EPM2A: variants seen among roughly 807,000 people sequenced by gnomAD.
The protein encoded by EPM2A is EPM2A glucan phosphatase, laforin, also known as laforin.
A neutral mutation model predicts 26.5 loss-of-function variants in EPM2A; 21 were observed. That is an observed-to-expected ratio of 0.79 (90% CI 0.56 to 1.14). The LOEUF (loss-of-function observed/expected upper bound fraction) is 1.14. Ranked by LOEUF, EPM2A falls within the 50% of genes most tolerant of loss-of-function variation. The pLI, the probability that EPM2A is intolerant of heterozygous loss-of-function variation, is 0.00. For missense variants in EPM2A, 458 were observed against 440.8 expected (o/e 1.04, Z -0.35); for synonymous variants, 217 against 177.6 (o/e 1.22, Z -1.76).
downstream of EPM2A, among the ~76,000 whole-genome samples, chr6:145,621,672 A>G (rs150801936): frequency 3.9e-3 from 586 of 151,926 alleles, 3 homozygotes; most frequent in Middle Eastern, 6.8e-3. Context: ...GTGGTTTTAA[A>G]CAGTATTTCC....
intron 2 of EPM2A, among the ~76,000 whole-genome samples, chr6:145,679,840 A>G (rs1410940281): frequency 6.6e-6 from 1 of 152,218 alleles, no homozygotes; most frequent in East Asian, 1.9e-4. Context: ...GAGGAGCTTT[A>G]AACATCTGCG....
At chr6:145,647,592 G>C (rs1224665684) in intron 2 of EPM2A, among the ~76,000 whole-genome samples, 1 of 152,080 alleles carries the variant, frequency 6.6e-6, no homozygotes, top group Non-Finnish European at 1.5e-5. Context: ...TAGAGAACAA[G>C]GATGCTATCT....
At chr6:145,425,210 G>A (rs959079924) in intron 4 of EPM2A, among the ~76,000 whole-genome samples, 4 of 147,248 alleles carry the variant, frequency 2.7e-5, no homozygotes, top group African/African-American at 5.0e-5. Context: ...GTCTTGCTCT[G>A]CCGCCCAGGC....
intron 4 of EPM2A, among the ~76,000 whole-genome samples, chr6:145,440,323 T>C (rs958035200): frequency 2.6e-5 from 4 of 152,156 alleles, no homozygotes; most frequent in Non-Finnish European, 5.9e-5. Flanking sequence ...ACTGCCACCA[T>C]GATTCAATTA....
chr6:145,391,903 C>G (rs559372252), intron 4 of EPM2A, among the ~76,000 whole-genome samples: 2 of 151,356 alleles, frequency 1.3e-5, no homozygotes, highest in Admixed American at 1.3e-4. Flanking sequence ...TTCTCTTGGC[C>G]CTGGGTCTTA....
Position 145,630,044 on chromosome 6 carries a change from T to A in EPM2A, c.719-2351A>T, listed in dbSNP as rs997903341. 3.7e-4 allele frequency: 56 copies of A among 152,352 alleles called. 1 individual carries two copies. The highest frequency in any genetic ancestry group is 1.2e-3 in the African/African-American group (49 of 41,574). 9.4% of individuals were successfully genotyped at this position (152,352 alleles called of 1,614,324 possible). ...CAAATAGCACAAATGATGCAATACATTCCCCTTTTCATTTTATGTGTAAAA... is the reference window on the plus strand; with the variant it reads ...CAAATAGCACAAATGATGCAATACAATCCCCTTTTCATTTTATGTGTAAAA... On this transcript the variant is annotated intron_variant, in intron 3 of 3. Coordinates refer to ENST00000367519, the MANE Select transcript of EPM2A (RefSeq NM_005670.4).
intron 2 of EPM2A, among the ~76,000 whole-genome samples, chr6:145,602,322 G>T (rs1781426991): frequency 6.6e-6 from 1 of 152,108 alleles, no homozygotes; most frequent in Non-Finnish European, 1.5e-5. Flanking sequence ...AATTATACAT[G>T]TCACATTATG....
intron 4 of EPM2A, chr6:145,489,797 G>A: frequency 3.5e-6 from 5 of 1,434,212 alleles, no homozygotes; most frequent in South Asian, 3.4e-5. Flanking sequence ...TAGATTTCTG[G>A]GGTCACGTGG....
chr6:145,624,069 G>C (rs972768296), downstream of EPM2A, among the ~76,000 whole-genome samples: 1 of 152,138 alleles, frequency 6.6e-6, no homozygotes, highest in Non-Finnish European at 1.5e-5. Context: ...AATGAGGGTA[G>C]TGTCATCAAT....
chr6:145,644,682 T>C (rs1304798942), intron 2 of EPM2A, among the ~76,000 whole-genome samples: 1 of 152,002 alleles, frequency 6.6e-6, no homozygotes, highest in Non-Finnish European at 1.5e-5. Flanking sequence ...TATTTTTAAT[T>C]AAAAATATTA....
At chr6:145,703,110 CGA>C in intron 1 of EPM2A, among the ~76,000 whole-genome samples, 1 of 142,276 alleles carries the variant, frequency 7.0e-6, no homozygotes, top group East Asian at 2.1e-4. Flanking sequence ...TTTTTTTTTT[CGA>C]GACGGAGTCT....
chr6:145,534,110 G>A (rs1780399472), intron 2 of EPM2A, among the ~76,000 whole-genome samples: 1 of 152,118 alleles, frequency 6.6e-6, no homozygotes, highest in African/African-American at 2.4e-5. Flanking sequence ...TTGAGAATCT[G>A]CTGTTCGGTG....
rs1010800819 is a variant in EPM2A at position 145,707,409 on chromosome 6, C to G, written c.302-21113G>C. ...GAAGTTTAGACTTATTTTATAGGAA[C>G]TAGGAAATCATCTGATATGGTTTGG... On this transcript the variant is annotated intron_variant, in intron 1 of 3. Transcript: ENST00000367519. Among the ~76,000 whole-genome samples, 2 of 152,158 alleles carry G rather than the reference C, an allele frequency of 1.3e-5. 1 individual carries two copies. Among genetic ancestry groups the G allele is most frequent in the South Asian group, 4.1e-4 (2 of 4,832 alleles).
rs532234277 is a variant in EPM2A at position 145,431,118 on chromosome 6, A to C, written c.556-47021T>G. ...GAACAAATAAAATCACCAATAGCCT[A>C]TGACAACAGCAGAGAGATAGAAAAT... On this transcript the variant is annotated intron_variant, in intron 4 of 4. Coordinates refer to the EPM2A transcript ENST00000638717. Among the ~76,000 whole-genome samples the C allele has an allele frequency of 1.7e-4, 26 of 152,352 alleles. No homozygotes were observed. In the East Asian group the frequency reaches 5.0e-3, roughly 29 times the overall value.
At chr6:145,507,924 G>C (rs1780000555) in intron 2 of EPM2A, among the ~76,000 whole-genome samples, 1 of 152,116 alleles carries the variant, frequency 6.6e-6, no homozygotes, top group South Asian at 2.1e-4. Context: ...CTGCTCCCTT[G>C]GTCAGTGGGG....
rs1240193901 is a variant in EPM2A, at chr6:145,546,480, C to T, written c.341-43905G>A. 2.6e-5 allele frequency among the ~76,000 whole-genome samples: 4 copies of T among 152,258 alleles called. No homozygotes were observed. In the East Asian group the frequency reaches 7.7e-4, roughly 29 times the overall value. On this transcript the variant is annotated intron_variant, in intron 2 of 3. Coordinates refer to the EPM2A transcript ENST00000450221. ...AAGTTCAATCTCTTCCAGAAATAGC[C>T]TCACAGACATACCCAGAAATAATCC...
chr6:145,549,636 A>T (rs1780627920), intron 2 of EPM2A, among the ~76,000 whole-genome samples: 1 of 152,152 alleles, frequency 6.6e-6, no homozygotes, highest in Non-Finnish European at 1.5e-5. Context: ...ATATGATAGA[A>T]ACCTATCCAT....
intron 2 of EPM2A, among the ~76,000 whole-genome samples, chr6:145,517,676 G>A (rs1409355776): frequency 6.6e-6 from 1 of 152,160 alleles, no homozygotes; most frequent in Non-Finnish European, 1.5e-5. Context: ...AATATGCTCA[G>A]TTCAGCAGTG....
chr6:145,727,927 T>C (rs1299664034), intron 1 of EPM2A, among the ~76,000 whole-genome samples: 2 of 152,170 alleles, frequency 1.3e-5, no homozygotes, highest in African/African-American at 4.8e-5. Flanking sequence ...GACGATTGAA[T>C]CACGGGGGCA....
Sources: allele counts gnomAD v4.1 joint callset (sites outside exome capture counted in the v4.1 genomes callset), GRCh38; gene constraint gnomAD v4.1.1; transcripts MANE v1.5; gene names NCBI Gene and HGNC (gene_info 2026-07-23, HGNC 2026-07-21).